LMBR1: variants seen among roughly 807,000 people sequenced by gnomAD.
The protein encoded by LMBR1 is limb development membrane protein 1.
A neutral mutation model predicts 73.9 loss-of-function variants in LMBR1; 52 were observed. The ratio of observed to expected loss-of-function variants is 0.70; its 90% confidence interval spans 0.56 to 0.89. The LOEUF is 0.89. LMBR1 is among the 40% of genes least tolerant of loss of function. The pLI, the probability that LMBR1 is intolerant of heterozygous loss-of-function variation, is 0.00. For missense variants in LMBR1, 539 were observed against 579.8 expected (o/e 0.93, Z 0.72); for synonymous variants, 215 against 209.4 (o/e 1.03, Z -0.23).
In LMBR1 at chr7:156,833,735, G is replaced by T. The variant is rs143089715; in HGVS notation, c.179+18C>A. The T allele has an allele frequency of 1.8e-5, 28 of 1,581,130 alleles. No homozygotes were observed. In the East Asian group the frequency reaches 6.3e-4, roughly 36 times the overall value. ...CTTCAGAATCAGAAACAGAACAACTGAACTTTAAAATACATACGAAATCCT... is the reference window on the plus strand; with the variant it reads ...CTTCAGAATCAGAAACAGAACAACTTAACTTTAAAATACATACGAAATCCT... On this transcript the variant is annotated intron_variant, in intron 3 of 16. Transcript: ENST00000353442.
chr7:156,863,531 A>G (rs1798023212), intron 1 of LMBR1, among the ~76,000 whole-genome samples: 1 of 152,162 alleles, frequency 6.6e-6, no homozygotes, highest in African/African-American at 2.4e-5. Context: ...TTGACACTCT[A>G]TATTCCATCA....
chr7:156,775,563 C>T (rs1217112100), intron 5 of LMBR1, among the ~76,000 whole-genome samples: 1 of 152,098 alleles, frequency 6.6e-6, no homozygotes, highest in Non-Finnish European at 1.5e-5. Context: ...AATATAACCT[C>T]ACTGCATAAA....
chr7:156,837,422 A>T (rs80121305), intron 1 of LMBR1, among the ~76,000 whole-genome samples: 1 of 151,792 alleles, frequency 6.6e-6, no homozygotes, highest in Non-Finnish European at 1.5e-5. Context: ...AAAAAAAAAA[A>T]AGCCCAATGG....
chr7:156,772,371 T>C (rs554248376), intron 5 of LMBR1, among the ~76,000 whole-genome samples: 4 of 152,322 alleles, frequency 2.6e-5, no homozygotes, highest in Middle Eastern at 3.4e-3. Flanking sequence ...AACTAGGCTT[T>C]GAAGGAACAT....
Position 156,763,157 on chromosome 7 carries a change from T to C in LMBR1, c.570A>G (p.Leu190=), listed in dbSNP as rs2132927129. The part of the protein sequence containing the change: ...ESLYDLWEFY[L]PYLYSCISLM... The stretch of plus-strand genomic sequence containing the variant: ...ATGATATACAGGAATATAAATAGGG[T>C]AGATAGAACTCCCAGAGATCTATTA... Residue 190 remains leucine (L), a synonymous_variant, in exon 7 of 17, where the codon CTA becomes CTG. Transcript: ENST00000353442. 7.2e-7 allele frequency: 1 copy of C among 1,390,008 alleles called. No homozygotes were observed. The highest frequency in any genetic ancestry group is 1.3e-5 in the South Asian group (1 of 78,030). The allele number at this position is 1,390,008 out of a possible 1,614,324, so 86.1% of individuals were successfully genotyped here.
At chr7:156,867,220 C>A (rs565076843) in intron 1 of LMBR1, among the ~76,000 whole-genome samples, 1 of 152,222 alleles carries the variant, frequency 6.6e-6, no homozygotes, top group East Asian at 1.9e-4. Flanking sequence ...AATGAAATAC[C>A]ACTTCATACC....
chr7:156,801,906 T>C (rs1176687383), intron 4 of LMBR1, among the ~76,000 whole-genome samples: 1 of 152,184 alleles, frequency 6.6e-6, no homozygotes, highest in African/African-American at 2.4e-5. Flanking sequence ...AACGTGCCCT[T>C]GTCCCAGAGC....
chr7:156,796,547 G>T (rs932346424), intron 4 of LMBR1, 55 bp from the exon 5 acceptor site: 3 of 1,152,992 alleles, frequency 2.6e-6, no homozygotes, highest in Non-Finnish European at 3.7e-6. Context: ...TGAAATTGTG[G>T]TATTAATCAA....
At chr7:156,791,706 T>C (rs1162352100) in intron 5 of LMBR1, among the ~76,000 whole-genome samples, 3 of 152,248 alleles carry the variant, frequency 2.0e-5, no homozygotes, top group Non-Finnish European at 4.4e-5. Context: ...TTTTTGCTTT[T>C]ATTATCAGGC....
intron 1 of LMBR1, among the ~76,000 whole-genome samples, chr7:156,875,422 G>A (rs764541752): frequency 1.5e-4 from 23 of 152,268 alleles, no homozygotes; most frequent in African/African-American, 4.3e-4. Flanking sequence ...AAAATTTCCC[G>A]GGCCTTGCTA....
intron 2 of LMBR1, 61 bp from the exon 3 acceptor site, chr7:156,833,853 T>A (rs771719260): frequency 9.5e-7 from 1 of 1,057,610 alleles, no homozygotes; most frequent in Admixed American, 2.3e-5. Flanking sequence ...GTCATTAATT[T>A]ATTAAAACTA....
At chr7:156,735,548 GTTTT>G (rs5888692) in intron 9 of LMBR1, among the ~76,000 whole-genome samples, 1 of 142,168 alleles carries the variant, frequency 7.0e-6, no homozygotes, top group African/African-American at 2.6e-5. Context: ...TAAGAGTGGT[GTTTT>G]TTTTTTTTTC....
chr7:156,703,291 T>C (rs973689648), intron 15 of LMBR1, among the ~76,000 whole-genome samples: 1 of 151,934 alleles, frequency 6.6e-6, no homozygotes, highest in Non-Finnish European at 1.5e-5. Context: ...GAGGCTTGAG[T>C]AGGGGAAGAA....
intron 9 of LMBR1, among the ~76,000 whole-genome samples, chr7:156,745,784 T>G (rs898790323): frequency 1.3e-5 from 2 of 152,220 alleles, no homozygotes; most frequent in African/African-American, 4.8e-5. Flanking sequence ...CTTCTGCCCA[T>G]CACTGAAGAG....
intron 15 of LMBR1, among the ~76,000 whole-genome samples, chr7:156,695,002 A>T (rs1807991440): frequency 6.6e-6 from 1 of 152,244 alleles, no homozygotes; most frequent in African/African-American, 2.4e-5. Flanking sequence ...TGTTTTATAG[A>T]TTCAATACAA....
rs539816605 is a variant in LMBR1, at chr7:156,851,656, G to C, written c.67-14771C>G. Reference sequence around the variant, plus strand: ...GATTGTAAGCCAAAAACAATGGAGAGAGAAAAAGTAAAGATACTCGCACAT... The same window carrying C: ...GATTGTAAGCCAAAAACAATGGAGACAGAAAAAGTAAAGATACTCGCACAT... On this transcript the variant is annotated intron_variant, in intron 1 of 16. Transcript: ENST00000353442. 1.8e-4 allele frequency among the ~76,000 whole-genome samples: 27 copies of C among 152,086 alleles called. 1 individual carries two copies. In the South Asian group the frequency reaches 5.4e-3, roughly 30 times the overall value.
At chr7:156,676,948 G>A (rs1018824455), downstream of LMBR1, 5 of 331,004 alleles carry the variant, frequency 1.5e-5, no homozygotes, top group Non-Finnish European at 2.8e-5. Flanking sequence ...TATAGCTAGT[G>A]TCTGAACGAC....
intron 9 of LMBR1, among the ~76,000 whole-genome samples, chr7:156,745,675 G>A (rs1819721503): frequency 6.6e-6 from 1 of 152,204 alleles, no homozygotes; most frequent in African/African-American, 2.4e-5. Context: ...GAATTCAGAG[G>A]CCTCTTTTTC....
intron 15 of LMBR1, among the ~76,000 whole-genome samples, chr7:156,699,029 C>G (rs891439761): frequency 1.3e-5 from 2 of 152,196 alleles, no homozygotes; most frequent in East Asian, 1.9e-4. Context: ...CAAGTCACCT[C>G]TTGAATGCTT....
Sources: allele counts gnomAD v4.1 joint callset (sites outside exome capture counted in the v4.1 genomes callset), GRCh38; gene constraint gnomAD v4.1.1; transcripts MANE v1.5; gene names NCBI Gene and HGNC (gene_info 2026-07-23, HGNC 2026-07-21).